The following BCL2L13 variants were observed in gnomAD, a reference collection of about 807,000 sequenced individuals.
BCL2L13 encodes the protein bcl-2-like protein 13.
BCL2L13 carries 13 observed loss-of-function variants against 25.8 expected under a neutral mutation model. The observed-to-expected ratio is 0.50, with a 90% CI of 0.33 to 0.80. The LOEUF (loss-of-function observed/expected upper bound fraction) is 0.80, where lower values mean the gene tolerates loss of function less well. Ranked by LOEUF, BCL2L13 falls within the 30% of genes least tolerant of loss-of-function variation. The pLI, the probability that BCL2L13 is intolerant of heterozygous loss-of-function variation, is 0.02. For synonymous variants in BCL2L13, 244 were observed against 230.3 expected (o/e 1.06, Z -0.54); for missense variants, 504 against 574.9 (o/e 0.88, Z 1.26).
At chr22:17,646,745 A>T (rs2058487947) in intron 1 of BCL2L13, among the ~76,000 whole-genome samples, 3 of 92,812 alleles carry the variant, frequency 3.2e-5, no homozygotes, top group Admixed American at 1.6e-4. Flanking sequence ...TTTGAGATAG[A>T]GTCTAGCTCT....
At chr22:17,641,558 TAA>T (rs1404153636) in intron 1 of BCL2L13, among the ~76,000 whole-genome samples, 1 of 152,116 alleles carries the variant, frequency 6.6e-6, no homozygotes, top group Admixed American at 6.6e-5. Flanking sequence ...TATTGACATA[TAA>T]TTAACGTACC....
intron 6 of BCL2L13, among the ~76,000 whole-genome samples, chr22:17,723,597 C>T (rs931611415): frequency 1.3e-5 from 2 of 152,180 alleles, no homozygotes; most frequent in African/African-American, 4.8e-5. Context: ...GCATAACTTA[C>T]TGATTACTTC....
intron 1 of BCL2L13, among the ~76,000 whole-genome samples, chr22:17,651,332 C>G (rs1207993270): frequency 6.6e-6 from 1 of 151,372 alleles, no homozygotes; most frequent in Non-Finnish European, 1.5e-5. Flanking sequence ...TTGACTTATA[C>G]AGAATACTTA....
chr22:17,695,555 C>G (rs1436513757), intron 4 of BCL2L13, among the ~76,000 whole-genome samples: 3 of 152,044 alleles, frequency 2.0e-5, no homozygotes, highest in Admixed American at 1.3e-4. Flanking sequence ...CTCCTGACTT[C>G]GTGATCCACC....
intron 1 of BCL2L13, among the ~76,000 whole-genome samples, chr22:17,654,248 G>A (rs751860862): frequency 6.6e-6 from 1 of 151,732 alleles, no homozygotes. Flanking sequence ...GGCATTATAG[G>A]TGTGCACCAG....
At chr22:17,630,238 A>C (rs1183331714) in intron 1 of BCL2L13, among the ~76,000 whole-genome samples, 2 of 151,594 alleles carry the variant, frequency 1.3e-5, no homozygotes, top group African/African-American at 4.9e-5. Context: ...AAAAAAAAAA[A>C]ACAAATTCCT....
chr22:17,714,429 G>A (rs961516699), intron 6 of BCL2L13, among the ~76,000 whole-genome samples: 1 of 152,156 alleles, frequency 6.6e-6, no homozygotes, highest in African/African-American at 2.4e-5. Context: ...TCCAGCCTGG[G>A]TGACAGAGTG....
At chr22:17,655,879 T>C (rs2069842129) in intron 2 of BCL2L13, 47 bp downstream of exon 2, 2 of 1,532,556 alleles carry the variant, frequency 1.3e-6, no homozygotes, top group Non-Finnish European at 1.8e-6. Flanking sequence ...TAATAAGGAC[T>C]TTATATATAA....
chr22:17,701,169 C>T (rs543427359), intron 5 of BCL2L13, among the ~76,000 whole-genome samples: 24 of 152,068 alleles, frequency 1.6e-4, no homozygotes, highest in Middle Eastern at 3.4e-3. Flanking sequence ...AGTATTGAGC[C>T]ACATGGTTAT....
rs775699933 is a variant in BCL2L13 at position 17,726,880 on chromosome 22, A to G, written c.804A>G (p.Pro268=). The change falls in exon 7 of 7, where the codon CCA becomes CCG. Residue 268 remains proline (P), a synonymous_variant. Transcript: ENST00000317582. ...ASQSWHTESL[P]VSLGPESWQQ... ...AGAGTTGGCACACAGAAAGCCTGCCAGTGTCACTAGGCCCTGAGTCCTGGC... is the reference window on the plus strand; with the variant it reads ...AGAGTTGGCACACAGAAAGCCTGCCGGTGTCACTAGGCCCTGAGTCCTGGC... The G allele has an allele frequency of 2.5e-6, 4 of 1,614,000 alleles. No homozygotes were observed. Among genetic ancestry groups the G allele is most frequent in the East Asian group, 2.2e-5 (1 of 44,876 alleles).
intron 4 of BCL2L13, among the ~76,000 whole-genome samples, chr22:17,691,205 G>A (rs1284680696): frequency 6.6e-6 from 1 of 152,052 alleles, no homozygotes; most frequent in South Asian, 2.1e-4. Flanking sequence ...ACCAGAGCAC[G>A]TGTACTTTCA....
intron 2 of BCL2L13, among the ~76,000 whole-genome samples, chr22:17,669,574 A>G (rs1173462191): frequency 2.0e-5 from 3 of 152,178 alleles, no homozygotes; most frequent in African/African-American, 7.2e-5. Flanking sequence ...CAGGTCATCC[A>G]TGAGGGATGC....
intron 6 of BCL2L13, among the ~76,000 whole-genome samples, chr22:17,716,470 C>T (rs1056523942): frequency 6.6e-6 from 1 of 152,092 alleles, no homozygotes; most frequent in Non-Finnish European, 1.5e-5. Context: ...AGTAACCTGC[C>T]AGGAGAAGCC....
At position 17,683,436 on chromosome 22, in the gene BCL2L13, A is replaced by G. The variant is rs1043195649; in HGVS notation, c.229+115A>G. On this transcript the variant is annotated intron_variant, in intron 3 of 6. Coordinates refer to ENST00000317582, the MANE Select transcript of BCL2L13 (RefSeq NM_015367.4). ...TCTCAACAGTTAACAACTTACACCA[A>G]TTATACATTGGTAGAAGTTTATAAG... 8 of 603,580 alleles carry G rather than the reference A, an allele frequency of 1.3e-5. No individual in the cohort carries two copies. In the African/African-American group the frequency reaches 1.4e-4, roughly 10 times the overall value. The allele number at this position is 603,580 out of a possible 1,614,324, so 37.4% of individuals were successfully genotyped here. A position where few individuals can be genotyped will look rare whatever the true frequency, so the allele number is the denominator to read the frequency against.
intron 6 of BCL2L13, among the ~76,000 whole-genome samples, chr22:17,723,300 C>T (rs1601802527): frequency 6.6e-6 from 1 of 152,148 alleles, no homozygotes; most frequent in African/African-American, 2.4e-5. Flanking sequence ...CCCTCTCTTC[C>T]AAGCCAATGG....
At chr22:17,668,709 C>T (rs2059317747) in intron 2 of BCL2L13, among the ~76,000 whole-genome samples, 1 of 152,150 alleles carries the variant, frequency 6.6e-6, no homozygotes, top group Non-Finnish European at 1.5e-5. Context: ...TCGTGATCCA[C>T]CTGCCTTGGC....
intron 6 of BCL2L13, among the ~76,000 whole-genome samples, chr22:17,720,943 G>T (rs1056960182): frequency 3.3e-5 from 5 of 151,942 alleles, no homozygotes; most frequent in Non-Finnish European, 7.4e-5. Context: ...GAGGCGGGTG[G>T]ATCACGAGGT....
chr22:17,670,897 T>C (rs1188539760), intron 2 of BCL2L13, among the ~76,000 whole-genome samples: 1 of 152,052 alleles, frequency 6.6e-6, no homozygotes, highest in Non-Finnish European at 1.5e-5. Flanking sequence ...GCAAGATGCT[T>C]AGGGGGTATG....
chr22:17,629,917 C>G (rs2057970697), intron 1 of BCL2L13, among the ~76,000 whole-genome samples: 1 of 151,898 alleles, frequency 6.6e-6, no homozygotes, highest in Non-Finnish European at 1.5e-5. Context: ...CTAGGCTGAA[C>G]ATTAATTTCC....
Sources: allele counts gnomAD v4.1 joint callset (sites outside exome capture counted in the v4.1 genomes callset), GRCh38; gene constraint gnomAD v4.1.1; transcripts MANE v1.5; gene names NCBI Gene and HGNC (gene_info 2026-07-23, HGNC 2026-07-21).